The following KCNT2 variants were observed in gnomAD, a reference collection of about 807,000 sequenced individuals.
KCNT2 encodes the protein potassium channel subfamily T member 2.
Under a neutral mutation model 153.8 loss-of-function variants are expected in KCNT2, and 67 were observed. The observed-to-expected ratio is 0.44, with a 90% CI of 0.36 to 0.53. KCNT2 has a LOEUF of 0.53. Ranked by LOEUF, KCNT2 falls within the 20% of genes least tolerant of loss-of-function variation. KCNT2 has a pLI of 0.00. For missense variants in KCNT2, 975 were observed against 1,354.8 expected, an observed-to-expected ratio of 0.72 and a Z score of 4.40; for synonymous variants, 500 against 458.8, an observed-to-expected ratio of 1.09 and a Z score of -1.15.
At chr1:196,602,987 C>T (rs993015467) in intron 1 of KCNT2, among the ~76,000 whole-genome samples, 15 of 151,136 alleles carry the variant, frequency 9.9e-5, no homozygotes, top group Admixed American at 9.2e-4. Flanking sequence ...GGGGTTTCAC[C>T]TTGTTAGCCA....
intron 22 of KCNT2, among the ~76,000 whole-genome samples, chr1:196,296,415 T>A (rs72732232): frequency 0.036 from 5,470 of 152,072 alleles, 194 homozygotes; most frequent in Admixed American, 0.091. Context: ...CAAATATGAA[T>A]AAGTATACGG....
At chr1:196,426,997 A>C (rs1384041577) in intron 10 of KCNT2, among the ~76,000 whole-genome samples, 1 of 151,952 alleles carries the variant, frequency 6.6e-6, no homozygotes, top group Non-Finnish European at 1.5e-5. Context: ...AGCCAATTAA[A>C]TCTCTTTTCT....
intron 13 of KCNT2, among the ~76,000 whole-genome samples, chr1:196,390,948 A>G (rs1160080127): frequency 6.7e-6 from 1 of 149,464 alleles, no homozygotes; most frequent in Admixed American, 6.7e-5. Flanking sequence ...TCAAACCAAA[A>G]CCAATTACTT....
chr1:196,459,886 G>T (rs1241318604), intron 8 of KCNT2, among the ~76,000 whole-genome samples: 1 of 151,700 alleles, frequency 6.6e-6, no homozygotes, highest in Non-Finnish European at 1.5e-5. Flanking sequence ...CTTAAAACTT[G>T]CTTCAGGTCC....
chr1:196,492,419 A>C, intron 1 of KCNT2, 78 bp from the exon 2 acceptor site: 3 of 1,039,116 alleles, frequency 2.9e-6, no homozygotes, highest in East Asian at 3.8e-5. Context: ...ACAAATATAA[A>C]TTGATCTGTA....
In KCNT2 at chr1:196,494,935, A is replaced by G. The variant is rs1390616427; in HGVS notation, c.96-2594T>C. 2.0e-5 allele frequency among the ~76,000 whole-genome samples: 3 copies of G among 151,818 alleles called. No homozygotes were observed. In the East Asian group the frequency reaches 5.8e-4, roughly 29 times the overall value. On this transcript the variant is annotated intron_variant, in intron 1 of 27. Coordinates refer to ENST00000294725, the MANE Select transcript of KCNT2 (RefSeq NM_198503.5). ...GTGGAGAGCTCTCCAATACCTATAAATGTGCCAAAGGCTGGACAACAGCAT... is the reference window on the plus strand; with the variant it reads ...GTGGAGAGCTCTCCAATACCTATAAGTGTGCCAAAGGCTGGACAACAGCAT...
At chr1:196,458,770 A>G (rs539592435) in intron 8 of KCNT2, among the ~76,000 whole-genome samples, 14 of 152,078 alleles carry the variant, frequency 9.2e-5, no homozygotes, top group Admixed American at 5.3e-4. Flanking sequence ...TTTGTACAAC[A>G]AAATATTATC....
At chr1:196,348,469 C>T (rs2148197197) in intron 14 of KCNT2, among the ~76,000 whole-genome samples, 1 of 152,232 alleles carries the variant, frequency 6.6e-6, no homozygotes, top group South Asian at 2.1e-4. Context: ...TTGAGGTACA[C>T]TCCAACCTCT....
At chr1:196,390,170 A>AT (rs1371715245) in intron 13 of KCNT2, among the ~76,000 whole-genome samples, 8 of 151,182 alleles carry the variant, frequency 5.3e-5, no homozygotes, top group Admixed American at 6.6e-5. Context: ...ATTTTGGCAT[A>AT]TTTTTTTATT....
At chr1:196,435,300 T>C (rs1366693085) in intron 8 of KCNT2, among the ~76,000 whole-genome samples, 1 of 149,788 alleles carries the variant, frequency 6.7e-6, no homozygotes, top group Non-Finnish European at 1.5e-5. Flanking sequence ...AATAGTCAAG[T>C]ACTAAAAGCA....
Position 196,368,473 on chromosome 1 carries a change from C to T in KCNT2, c.1403+4667G>A, listed in dbSNP as rs372368117. On this transcript the variant is annotated intron_variant, in intron 14 of 27. Transcript: ENST00000294725. ...TTAATGAACAAACCTAATGAAGTAGCAATCTCCAACCACACTTCATTTCTT... is the reference window on the plus strand; with the variant it reads ...TTAATGAACAAACCTAATGAAGTAGTAATCTCCAACCACACTTCATTTCTT... 3.3e-4 allele frequency among the ~76,000 whole-genome samples: 51 copies of T among 152,252 alleles called. 1 individual carries two copies. The South Asian group carries it at 0.011, about 32-fold the overall frequency.
At chr1:196,259,231 G>A (rs1405889874) in intron 25 of KCNT2, among the ~76,000 whole-genome samples, 2 of 152,080 alleles carry the variant, frequency 1.3e-5, no homozygotes, top group African/African-American at 4.8e-5. Context: ...CCATAGGAGG[G>A]AAAAACAATG....
At position 196,479,029 on chromosome 1, in the gene KCNT2, A is replaced by T. The variant is rs147461093; in HGVS notation, c.384+150T>A. The T allele has an allele frequency of 5.2e-5, 32 of 613,770 alleles. No homozygotes were observed. In the African/African-American group the frequency reaches 5.5e-4, roughly 11 times the overall value. The allele number at this position is 613,770 out of a possible 1,614,324, so 38.0% of individuals were successfully genotyped here. On this transcript the variant is annotated intron_variant, in intron 5 of 27. Coordinates refer to ENST00000294725, the MANE Select transcript of KCNT2 (RefSeq NM_198503.5). ...AAGGAAAACATTACCGTATTCATAC[A>T]GCTTTTTATCAGCTACTGGAGCGGC...
At chr1:196,538,135 T>C (rs962283176) in intron 1 of KCNT2, among the ~76,000 whole-genome samples, 4 of 152,042 alleles carry the variant, frequency 2.6e-5, no homozygotes, top group Non-Finnish European at 4.4e-5. Context: ...CATCCAACTC[T>C]GCCAGCAAAG....
chr1:196,510,067 G>A (rs1039826174), intron 1 of KCNT2, among the ~76,000 whole-genome samples: 3 of 151,960 alleles, frequency 2.0e-5, no homozygotes, highest in Admixed American at 6.6e-5. Context: ...CAAGAATAAA[G>A]AGAAAAATAT....
chr1:196,456,748 A>G (rs1221425650), intron 8 of KCNT2, among the ~76,000 whole-genome samples: 1 of 152,024 alleles, frequency 6.6e-6, no homozygotes, highest in Non-Finnish European at 1.5e-5. Flanking sequence ...GGTACTAACC[A>G]AGTTCATCTC....
intron 1 of KCNT2, among the ~76,000 whole-genome samples, chr1:196,518,480 A>T (rs1011023258): frequency 0.014 from 20 of 1,424 alleles, no homozygotes; most frequent in South Asian, 0.083. Context: ...GCTGGATTTA[A>T]AAAAAAAAAA....
rs527599859 is a variant in KCNT2 at position 196,277,859 on chromosome 1, G to A, written c.2910+3001C>T. Among the ~76,000 whole-genome samples the A allele has an allele frequency of 2.6e-5, 4 of 151,796 alleles. No homozygotes were observed. The East Asian group carries it at 7.8e-4, about 29-fold the overall frequency. On this transcript the variant is annotated intron_variant, in intron 25 of 27. Coordinates refer to ENST00000294725, the MANE Select transcript of KCNT2 (RefSeq NM_198503.5). ...TTTTATATAATCTTAAAAAAATAAT[G>A]TTTTATTCTTTAAATACAAAAAAAA...
intron 14 of KCNT2, among the ~76,000 whole-genome samples, chr1:196,354,569 A>G (rs1285122371): frequency 6.6e-6 from 1 of 151,758 alleles, no homozygotes; most frequent in African/African-American, 2.4e-5. Context: ...CTGTAGAAAT[A>G]TTTTGACATT....
Sources: gnomAD v4.1 joint callset for allele counts (sites outside exome capture counted in the v4.1 genomes callset) on GRCh38, gnomAD v4.1.1 for gene constraint, MANE v1.5 for transcripts, NCBI Gene and HGNC (gene_info 2026-07-23, HGNC 2026-07-21) for gene names.